Variants in TSHR observed in about 807,000 individuals in gnomAD.
The protein encoded by TSHR is thyroid stimulating hormone receptor.
A neutral mutation model predicts 64.1 loss-of-function variants in TSHR; 51 were observed. The observed-to-expected ratio is 0.80, with a 90% confidence interval of 0.64 to 1.01. The LOEUF (loss-of-function observed/expected upper bound fraction) is 1.01, where lower values mean the gene tolerates loss of function less well. Among genes scored for constraint, TSHR ranks in the 50% least tolerant of loss-of-function variants. The pLI is 0.00. For synonymous variants in TSHR, 361 were observed against 361.9 expected (o/e 1.00, Z 0.03); for missense variants, 877 against 942.8 (o/e 0.93, Z 0.91).
intron 1 of TSHR, among the ~76,000 whole-genome samples, chr14:81,034,781 C>A (rs1231509901): frequency 1.3e-5 from 2 of 152,106 alleles, no homozygotes; most frequent in Non-Finnish European, 2.9e-5. Context: ...AGAAACAGGA[C>A]TAAAGTTAAA....
intron 9 of TSHR, among the ~76,000 whole-genome samples, chr14:81,140,483 A>C (rs1345366269): frequency 6.6e-6 from 1 of 152,250 alleles, no homozygotes; most frequent in African/African-American, 2.4e-5. Context: ...TGAATGGAAA[A>C]CACTGGAATG....
At chr14:80,956,014 C>T in intron 1 of TSHR, 164 bp downstream of exon 1, 2 of 797,268 alleles carry the variant, frequency 2.5e-6, no homozygotes, top group Non-Finnish European at 2.1e-6. Context: ...GTGCTAAAAA[C>T]TTAATCGCCC....
intron 1 of TSHR, among the ~76,000 whole-genome samples, chr14:81,042,037 A>G (rs1884947334): frequency 6.6e-6 from 1 of 152,202 alleles, no homozygotes; most frequent in African/African-American, 2.4e-5. Flanking sequence ...CAGGTATATG[A>G]AAATATGCTT....
chr14:81,007,752 C>A (rs960686754), intron 1 of TSHR, among the ~76,000 whole-genome samples: 2 of 152,198 alleles, frequency 1.3e-5, no homozygotes, highest in African/African-American at 2.4e-5. Flanking sequence ...TAGTCCATTT[C>A]TAAGTCATCT....
At chr14:81,080,261 T>C (rs1248322933) in intron 3 of TSHR, among the ~76,000 whole-genome samples, 1 of 152,136 alleles carries the variant, frequency 6.6e-6, no homozygotes, top group Non-Finnish European at 1.5e-5. Flanking sequence ...CTATGTGAGT[T>C]TTTTAAATCA....
chr14:81,083,225 AT>A (rs1888039237), intron 3 of TSHR, among the ~76,000 whole-genome samples: 1 of 152,096 alleles, frequency 6.6e-6, no homozygotes, highest in African/African-American at 2.4e-5. Context: ...CTACGCTTTT[AT>A]TGAGAATTAA....
Position 81,144,339 on chromosome 14 carries a change from C to A in TSHR, c.2281C>A (p.Gln761Lys), listed in dbSNP as rs761742343. 1.1e-5 allele frequency: 17 copies of A among 1,614,006 alleles called. No homozygotes were observed. In the Admixed American group the frequency reaches 2.3e-4, roughly 22 times the overall value. Reference protein sequence around the residue: ...KQGQISEEYMQTVL With the variant: ...KQGQISEEYMKTVL ...AGGCCAAATCTCAGAAGAGTATATGCAAACGGTTTTGTAAGTTAACACTAC... is the reference window on the plus strand; with the variant it reads ...AGGCCAAATCTCAGAAGAGTATATGAAAACGGTTTTGTAAGTTAACACTAC... Residue 761 changes from glutamine to lysine, a missense_variant, in exon 10 of 10, where the codon CAA (glutamine) becomes AAA (lysine). Transcript: ENST00000298171.
intron 9 of TSHR, among the ~76,000 whole-genome samples, chr14:81,141,649 C>A (rs1254843060): frequency 6.6e-6 from 1 of 152,212 alleles, no homozygotes; most frequent in Non-Finnish European, 1.5e-5. Flanking sequence ...TGGCTCACTT[C>A]TGTAATCCTA....
At chr14:81,045,215 T>C (rs142840823) in intron 1 of TSHR, among the ~76,000 whole-genome samples, 190 of 152,256 alleles carry the variant, frequency 1.2e-3, no homozygotes, top group South Asian at 2.3e-3. Context: ...GAGCTGGGCT[T>C]ATGTCCATGT....
intron 1 of TSHR, chr14:81,053,594 T>C (rs1885559747): frequency 6.6e-6 from 1 of 152,236 alleles, no homozygotes; most frequent in African/African-American, 2.4e-5. Context: ...TAGAGTTGAC[T>C]GGAACTCCTA....
intron 1 of TSHR, among the ~76,000 whole-genome samples, chr14:80,990,146 T>C (rs1352021367): frequency 6.6e-6 from 1 of 152,016 alleles, no homozygotes; most frequent in Non-Finnish European, 1.5e-5. Context: ...GAAAACAGAG[T>C]GTGAGGCAGA....
intron 1 of TSHR, among the ~76,000 whole-genome samples, chr14:80,995,923 G>A (rs866986902): frequency 1.3e-5 from 2 of 151,900 alleles, no homozygotes; most frequent in African/African-American, 4.8e-5. Flanking sequence ...TTAAGTTTTG[G>A]GGTAGTCAAA....
At chr14:80,997,792 A>G (rs1889101949) in intron 1 of TSHR, among the ~76,000 whole-genome samples, 1 of 152,230 alleles carries the variant, frequency 6.6e-6, no homozygotes, top group Admixed American at 6.5e-5. Context: ...TTCTGGCAAA[A>G]TTACAGGACA....
intron 8 of TSHR, among the ~76,000 whole-genome samples, chr14:81,110,814 C>A (rs953845471): frequency 6.6e-6 from 1 of 152,138 alleles, no homozygotes; most frequent in African/African-American, 2.4e-5. Flanking sequence ...ATTTTTTCAA[C>A]TAGGACGGCC....
At chr14:81,127,465 G>A (rs1891063067) in intron 8 of TSHR, among the ~76,000 whole-genome samples, 1 of 152,116 alleles carries the variant, frequency 6.6e-6, no homozygotes, top group Non-Finnish European at 1.5e-5. Flanking sequence ...TGAGAAGGGA[G>A]GGGATTCAAC....
chr14:81,040,524 G>A (rs532743282), intron 1 of TSHR, among the ~76,000 whole-genome samples: 4 of 151,856 alleles, frequency 2.6e-5, no homozygotes, highest in African/African-American at 4.8e-5. Context: ...GTGGAGAGAC[G>A]ACATACAGAA....
At chr14:81,127,973 A>G (rs1212399333) in intron 8 of TSHR, among the ~76,000 whole-genome samples, 2 of 152,174 alleles carry the variant, frequency 1.3e-5, no homozygotes, top group East Asian at 3.8e-4. Context: ...TAGAATGCTG[A>G]CTCACCAACT....
At chr14:80,955,947 G>C in intron 1 of TSHR, 97 bp downstream of exon 1, 1 of 1,457,244 alleles carries the variant, frequency 6.9e-7, no homozygotes, top group Non-Finnish European at 9.6e-7. Context: ...ACAGCCCGAA[G>C]TAGTGTGTGA....
At chr14:80,983,162 G>C in intron 1 of TSHR, 1 of 973,850 alleles carries the variant, frequency 1.0e-6, no homozygotes, top group South Asian at 2.0e-5. Flanking sequence ...TAATTACTCT[G>C]AATCCTCCTT....
Sources: gnomAD v4.1 joint callset for allele counts (sites outside exome capture counted in the v4.1 genomes callset) on GRCh38, gnomAD v4.1.1 for gene constraint, MANE v1.5 for transcripts, NCBI Gene and HGNC (gene_info 2026-07-23, HGNC 2026-07-21) for gene names.